The following STXBP2 variants were observed in gnomAD, a reference collection of about 807,000 sequenced individuals.
STXBP2 encodes syntaxin-binding protein 2.
Under a neutral mutation model 72.2 loss-of-function variants are expected in STXBP2, and 47 were observed. That is an observed-to-expected ratio of 0.65 (90% confidence interval 0.51 to 0.83). The LOEUF is 0.83. Among genes scored for constraint, STXBP2 ranks in the 40% least tolerant of loss-of-function variants. STXBP2 has a pLI of 0.00. For synonymous variants in STXBP2, 367 were observed against 338.7 expected (o/e 1.08, Z -0.92); for missense variants, 702 against 807.6 (o/e 0.87, Z 1.58).
chr19:7,632,114 C>T, upstream of STXBP2: 1 of 571,918 alleles, frequency 1.7e-6, no homozygotes, highest in Non-Finnish European at 3.0e-6. The surrounding 1 kb of genome is among the most constrained non-coding windows in gnomAD (Gnocchi z 5.2). Context: ...GGATACTTTC[C>T]TAGGAAGGGG....
At chr19:7,631,376 G>T in the STXBP2 span, 1 of 1,405,748 alleles carries the variant, frequency 7.1e-7, no homozygotes, top group Non-Finnish European at 9.4e-7. Flanking sequence ...CGTGGTCTGG[G>T]GCAGGGTGGT....
At chr19:7,643,319 G>A in intron 13 of STXBP2, 74 bp downstream of exon 13, 1 of 1,443,440 alleles carries the variant, frequency 6.9e-7, no homozygotes, top group Non-Finnish European at 9.5e-7. Context: ...CTGAACTGTA[G>A]AGATGGGGGG....
At position 7,640,961 on chromosome 19, in the gene STXBP2, G is replaced by T. The variant is rs369507304; in HGVS notation, c.387G>T (p.Thr129=). The T allele has an allele frequency of 1.2e-6, 2 of 1,614,204 alleles. No individual in the cohort carries two copies. Among genetic ancestry groups the T allele is most frequent in the South Asian group, 2.2e-5 (2 of 91,088 alleles). Residue 129 remains threonine (T), a synonymous_variant, in exon 6 of 19, where the codon ACG becomes ACT. Transcript: ENST00000221283. The part of the protein sequence containing the change: ...GRSRLAKVVK[T]LKEIHLAFLP... ...CTCGTCTGGCAAAGGTGGTGAAGACGTTGAAGGAGATTCACCTTGCCTTCC... is the reference window on the plus strand; with the variant it reads ...CTCGTCTGGCAAAGGTGGTGAAGACTTTGAAGGAGATTCACCTTGCCTTCC...
intron 1 of STXBP2, among the ~76,000 whole-genome samples, chr19:7,638,471 A>G (rs1279841735): frequency 2.0e-5 from 3 of 152,126 alleles, no homozygotes; most frequent in African/African-American, 7.2e-5. Context: ...TGGGTGGTAC[A>G]TGCACCTGTA....
At position 7,639,794 on chromosome 19, in the gene STXBP2, G is replaced by A; in HGVS notation, c.233G>A (p.Ser78Asn). Residue 78 changes from serine to asparagine, a missense_variant, in exon 4 of 19, where the codon AGC becomes AAC. Transcript: ENST00000221283. ...IPSLEAIYLL[S>N]PTEKSVQALI... Reference sequence around the variant, plus strand: ...AGTCTGGAGGCCATTTATTTGCTGAGCCCCACGGAGAAGGTGCCTACATGA... The same window carrying A: ...AGTCTGGAGGCCATTTATTTGCTGAACCCCACGGAGAAGGTGCCTACATGA... 2 of 1,613,892 alleles carry A rather than the reference G, an allele frequency of 1.2e-6. No homozygotes were observed. Among genetic ancestry groups the A allele is most frequent in the Non-Finnish European group, 1.7e-6 (2 of 1,179,972 alleles).
intron 14 of STXBP2, 94 bp downstream of exon 14, chr19:7,644,846 A>G (rs761020344): frequency 1.3e-6 from 2 of 1,589,232 alleles, no homozygotes; most frequent in South Asian, 2.2e-5. Context: ...TCCTTGGGTC[A>G]TTTGCACTCA....
intron 16 of STXBP2, chr19:7,646,722 A>C: frequency 5.2e-6 from 2 of 382,106 alleles, no homozygotes; most frequent in Admixed American, 4.2e-5. Context: ...TCCCTCTAAG[A>C]GCCCCGGCCC....
chr19:7,636,419 C>T (rs1200346675), upstream of STXBP2: 1 of 152,162 alleles, frequency 6.6e-6, no homozygotes, highest in African/African-American at 2.4e-5. Context: ...ATGTGTGTAT[C>T]AGCATGTTAA....
chr19:7,639,888 T>G (rs755956816), intron 4 of STXBP2, 81 bp downstream of exon 4: 139 of 1,414,174 alleles, frequency 9.8e-5, no homozygotes, highest in Non-Finnish European at 1.4e-4. Flanking sequence ...ATGCATGTGA[T>G]TGCATGTGTG....
rs199757075 is a variant in STXBP2, at chr19:7,641,880, G to T, written c.578+27G>T. 3.1e-5 allele frequency: 10 copies of T among 317,542 alleles called. No homozygotes were observed. The African/African-American group carries it at 8.7e-4, about 27-fold the overall frequency. The allele number at this position is 317,542 out of a possible 1,614,324, so 19.7% of individuals were successfully genotyped here. On this transcript the variant is annotated intron_variant, in intron 7 of 18. Transcript: ENST00000221283. The stretch of plus-strand genomic sequence containing the variant: ...TGGGGACCCCACCCAGCCCCACCCC[G>T]ATGCCGACCCCCCCTTAACCGCGTG...
chr19:7,645,411 G>A, intron 15 of STXBP2, 105 bp downstream of exon 15: 1 of 1,156,610 alleles, frequency 8.6e-7, no homozygotes, highest in Non-Finnish European at 1.2e-6. Context: ...TGTGGTTCCT[G>A]GCGTGGTGTG....
Position 7,647,594 on chromosome 19 carries a change from C to T in STXBP2, c.1696+83C>T, listed in dbSNP as rs1427161331. ...TTGTACCTTCTAGGTGTCTGGACTCCAGAGTCCTTGGAGTCAGGGACCTGG... is the reference window on the plus strand; with the variant it reads ...TTGTACCTTCTAGGTGTCTGGACTCTAGAGTCCTTGGAGTCAGGGACCTGG... On this transcript the variant is annotated intron_variant, in intron 18 of 18. Transcript: ENST00000221283. The T allele has an allele frequency of 3.1e-6, 5 of 1,590,276 alleles. No individual in the cohort carries two copies. The African/African-American group carries it at 5.4e-5, about 17-fold the overall frequency.
chr19:7,639,802 G>C lies in STXBP2; in HGVS notation c.241G>C (p.Glu81Gln), dbSNP rs1332255732. 4 of 1,613,808 alleles carry C rather than the reference G, an allele frequency of 2.5e-6. No individual in the cohort carries two copies. The highest frequency in any genetic ancestry group is 1.1e-5 in the South Asian group (1 of 91,042). ...GGCCATTTATTTGCTGAGCCCCACG[G>C]AGAAGGTGCCTACATGAGTGAGCGT... ...LEAIYLLSPT[E>Q]KSVQALIKDF... The change falls in exon 4 of 19, where the codon GAG (glutamate) becomes CAG (glutamine). Residue 81 changes from glutamate (E) to glutamine (Q), a missense_variant. Coordinates refer to ENST00000221283, the MANE Select transcript of STXBP2 (RefSeq NM_006949.4).
chr19:7,636,967 T>C (rs2031558542), upstream of STXBP2: 2 of 503,152 alleles, frequency 4.0e-6, no homozygotes, highest in South Asian at 1.0e-4. Flanking sequence ...CGGACGCACC[T>C]GCCCGTCCTC....
chr19:7,640,283 T>C, intron 4 of STXBP2: 1 of 559,074 alleles, frequency 1.8e-6, no homozygotes, highest in Non-Finnish European at 3.4e-6. Flanking sequence ...TGTATGTGCA[T>C]CTGTGTGCAT....
Position 7,643,181 on chromosome 19 carries a change from A to G in STXBP2, c.1043A>G (p.His348Arg). The change falls in exon 13 of 19, where the codon CAT (histidine) becomes CGT (arginine). Residue 348 changes from histidine to arginine, a missense_variant. By Grantham distance (29) the His-to-Arg change is conservative. Transcript: ENST00000221283. ...KELNKYSTHL[H>R]LADDCMKHFK... ...ACCCTGCAGTATTCTACGCACCTGC[A>G]TCTAGCAGATGATTGTATGAAGCAC... The G allele has an allele frequency of 1.2e-6, 2 of 1,614,082 alleles. No homozygotes were observed. The highest frequency in any genetic ancestry group is 1.7e-6 in the Non-Finnish European group (2 of 1,180,010).
intron 16 of STXBP2, 143 bp downstream of exon 16, chr19:7,646,487 AGG>A (rs140484308): frequency 8.4e-6 from 7 of 837,354 alleles, no homozygotes; most frequent in Non-Finnish European, 1.4e-5. Context: ...TGCTCTGCTG[AGG>A]GGGGCACGCC....
intron 4 of STXBP2, chr19:7,640,516 G>C (rs747849908): frequency 4.3e-6 from 3 of 695,998 alleles, no homozygotes; most frequent in South Asian, 1.5e-5. Flanking sequence ...GTGTGTGCAT[G>C]TGTGCATGCG....
At chr19:7,631,737 G>T in the STXBP2 span, 1 of 1,447,938 alleles carries the variant, frequency 6.9e-7, no homozygotes, top group Non-Finnish European at 9.1e-7. Flanking sequence ...GACGGAAGCC[G>T]AGAGCGGTCG....
Sources: gnomAD v4.1 joint callset for allele counts (sites outside exome capture counted in the v4.1 genomes callset) on GRCh38, gnomAD v4.1.1 for gene constraint, Gnocchi (gnomAD v3.1) non-coding constraint, MANE v1.5 for transcripts, NCBI Gene and HGNC (gene_info 2026-07-23, HGNC 2026-07-21) for gene names.